COL4A6: variants seen among roughly 807,000 people sequenced by gnomAD.
The protein encoded by COL4A6 is collagen type IV alpha 6 chain.
Under a neutral mutation model 126.7 loss-of-function variants are expected in COL4A6, and 59 were observed. The ratio of observed to expected loss-of-function variants is 0.47; its 90% CI spans 0.38 to 0.58. The LOEUF is 0.58. Among genes scored for constraint, COL4A6 ranks in the 20% least tolerant of loss-of-function variants. COL4A6 has a pLI of 0.00. For synonymous variants in COL4A6, 547 were observed against 496.6 expected (o/e 1.10, Z -1.35); for missense variants, 1,285 against 1,337.3 (o/e 0.96, Z 0.61).
At chrX:108,223,583 G>T (rs2036082027) in intron 3 of COL4A6, among the ~76,000 whole-genome samples, 1 of 111,304 alleles carries the variant, frequency 9.0e-6, no homozygotes, top group Non-Finnish European at 1.9e-5. Flanking sequence ...TGATTGGAAA[G>T]GTTCCAGCTG....
At chrX:108,291,530 G>A (rs1203210423) in intron 3 of COL4A6, among the ~76,000 whole-genome samples, 1 of 110,826 alleles carries the variant, frequency 9.0e-6, no homozygotes, top group African/African-American at 3.3e-5. Flanking sequence ...CCTATTGTAA[G>A]ACATATAGGC....
At position 108,359,241 on chromosome X, in the gene COL4A6, T is replaced by C. The variant is rs776006966; in HGVS notation, c.64-48413A>G. ...CAATCCCATGTGGTAGGCCATATCA[T>C]TATCCTCATTTTATAAATTAGACAA... On this transcript the variant is annotated intron_variant, in intron 2 of 44. Coordinates refer to ENST00000334504, the MANE Select transcript of COL4A6 (RefSeq NM_033641.4). 8.2e-4 allele frequency among the ~76,000 whole-genome samples: 92 copies of C among 112,389 alleles called. 1 individual carries two copies. The highest frequency in any genetic ancestry group is 1.5e-3 in the South Asian group (4 of 2,707).
chrX:108,163,041 G>A lies in COL4A6; in HGVS notation c.4070-3C>T. Reference sequence around the variant, plus strand: ...ATCACCTTGGAGGCCAGAAGAGCCTGTGGGCAGGTGGGGGAAATAAGAACA... The same window carrying A: ...ATCACCTTGGAGGCCAGAAGAGCCTATGGGCAGGTGGGGGAAATAAGAACA... On this transcript the variant is annotated splice_polypyrimidine_tract_variant and splice_region_variant and intron_variant, in intron 40 of 44. Transcript: ENST00000334504. 1 of 1,189,566 alleles carries A rather than the reference G, an allele frequency of 8.4e-7. No homozygotes were observed. The highest frequency in any genetic ancestry group is 1.9e-5 in the South Asian group (1 of 52,786).
At chrX:108,175,626 A>T in intron 29 of COL4A6, 28 bp downstream of exon 29, 1 of 1,178,637 alleles carries the variant, frequency 8.5e-7, no homozygotes, top group Non-Finnish European at 1.1e-6. Flanking sequence ...CATGGGCAGC[A>T]GTTCCAGAAT....
intron 2 of COL4A6, among the ~76,000 whole-genome samples, chrX:108,409,270 G>C (rs191829267): frequency 8.9e-6 from 1 of 111,972 alleles, no homozygotes; most frequent in African/African-American, 3.2e-5. Flanking sequence ...GATGAATCTA[G>C]CAAACTGTTC....
At chrX:108,236,618 C>G (rs759561991) in intron 3 of COL4A6, among the ~76,000 whole-genome samples, 2 of 111,589 alleles carry the variant, frequency 1.8e-5, no homozygotes, top group African/African-American at 6.5e-5. Context: ...TCCTCTGACT[C>G]CCTTACTCCC....
At position 108,310,814 on chromosome X, in the gene COL4A6, A is replaced by G; in HGVS notation, c.78T>C (p.Tyr26=). 8.3e-7 allele frequency: 1 copy of G among 1,207,176 alleles called. No homozygotes were observed. The highest frequency in any genetic ancestry group is 1.1e-6 in the Non-Finnish European group (1 of 891,930). The part of the protein sequence containing the change: ...EELAAAGEKS[Y]GKPCGGQDCS... ...AGTCCTGGCCCCCACATGGCTTTCC[A>G]TAAGACTTCTCTCCCTATTAAAAAA... is the stretch of plus-strand genomic sequence containing the variant. Residue 26 remains tyrosine (Y), a synonymous_variant, in exon 3 of 45, where the codon TAT becomes TAC. Coordinates refer to ENST00000334504, the MANE Select transcript of COL4A6 (RefSeq NM_033641.4).
intron 2 of COL4A6, among the ~76,000 whole-genome samples, chrX:108,418,638 A>G (rs1009770586): frequency 3.6e-5 from 4 of 112,473 alleles, no homozygotes; most frequent in African/African-American, 1.3e-4. Context: ...GTCCTCAGAT[A>G]TGTAGCTTTG....
At chrX:108,319,783 C>T (rs2038979797) in intron 2 of COL4A6, among the ~76,000 whole-genome samples, 1 of 111,900 alleles carries the variant, frequency 8.9e-6, no homozygotes, top group Non-Finnish European at 1.9e-5. Flanking sequence ...GAAGAAATGG[C>T]ACTGTAGCCA....
At chrX:108,422,411 A>G (rs1045240483) in intron 2 of COL4A6, among the ~76,000 whole-genome samples, 1 of 111,888 alleles carries the variant, frequency 8.9e-6, no homozygotes, top group Admixed American at 9.5e-5. Context: ...ACTTGAAACT[A>G]TTCTGTAATT....
intron 3 of COL4A6, among the ~76,000 whole-genome samples, chrX:108,262,180 C>T (rs1419649960): frequency 1.8e-5 from 2 of 111,496 alleles, no homozygotes; most frequent in Non-Finnish European, 3.8e-5. Context: ...CATGGCAGTT[C>T]TAAGATGGTA....
intron 3 of COL4A6, among the ~76,000 whole-genome samples, chrX:108,302,938 T>C (rs2038527021): frequency 9.0e-6 from 1 of 111,275 alleles, no homozygotes; most frequent in African/African-American, 3.3e-5. Flanking sequence ...AAATTAAATG[T>C]GAATAGAAAT....
At chrX:108,195,910 C>T (rs1414854249) in intron 14 of COL4A6, among the ~76,000 whole-genome samples, 1 of 111,940 alleles carries the variant, frequency 8.9e-6, no homozygotes, top group Non-Finnish European at 1.9e-5. Flanking sequence ...CTTAACAACA[C>T]AATTCTCTAA....
chrX:108,412,968 T>C (rs183607818), intron 2 of COL4A6, among the ~76,000 whole-genome samples: 79 of 112,375 alleles, frequency 7.0e-4, no homozygotes, highest in African/African-American at 2.4e-3. Context: ...TGTTGGTCAT[T>C]GCTCTACAGT....
intron 13 of COL4A6, among the ~76,000 whole-genome samples, chrX:108,199,979 C>T (rs1471179710): frequency 8.9e-6 from 1 of 111,976 alleles, no homozygotes. Flanking sequence ...CCTCTTCACC[C>T]GTTGAGGCTG....
intron 3 of COL4A6, among the ~76,000 whole-genome samples, chrX:108,269,337 C>G (rs1484723566): frequency 1.8e-5 from 2 of 111,386 alleles, no homozygotes; most frequent in Admixed American, 9.5e-5. Flanking sequence ...TATTTTCTAC[C>G]TGTAGGATGC....
chrX:108,241,550 A>AAT (rs764751621), intron 3 of COL4A6, among the ~76,000 whole-genome samples: 8,052 of 96,618 alleles, frequency 0.083, 322 homozygotes, highest in Middle Eastern at 0.11. Context: ...TATAATAGTA[A>AAT]ATATATATAT....
At chrX:108,160,303 T>C (rs754188048) in intron 43 of COL4A6, among the ~76,000 whole-genome samples, 160 bp downstream of exon 43, 127 of 112,545 alleles carry the variant, frequency 1.1e-3, no homozygotes, top group Non-Finnish European at 2.0e-3. Flanking sequence ...TAGTAAGTGA[T>C]AGAGCCAGGA....
chrX:108,304,736 AGAG>A (rs375555929), intron 3 of COL4A6, among the ~76,000 whole-genome samples: 57 of 112,133 alleles, frequency 5.1e-4, no homozygotes, highest in African/African-American at 1.7e-3. Flanking sequence ...TCAAAAACTC[AGAG>A]GAGTTAAGGA....
Sources: gnomAD v4.1 joint callset for allele counts (sites outside exome capture counted in the v4.1 genomes callset) on GRCh38, gnomAD v4.1.1 for gene constraint, MANE v1.5 for transcripts, NCBI Gene and HGNC (gene_info 2026-07-23, HGNC 2026-07-21) for gene names.